ROBO2: variants seen among roughly 807,000 people sequenced by gnomAD.
The protein encoded by ROBO2 is roundabout homolog 2.
In ROBO2, 53 loss-of-function variants were observed where a neutral mutation model predicts 160.8. That is an observed-to-expected ratio of 0.33 (90% CI 0.26 to 0.41). The LOEUF (loss-of-function observed/expected upper bound fraction) is 0.41, where lower values mean the gene tolerates loss of function less well. ROBO2 is among the 10% of genes least tolerant of loss of function. ROBO2 has a pLI of 1.00. For synonymous variants in ROBO2, 664 were observed against 611.7 expected (o/e 1.09, Z -1.26); for missense variants, 1,577 against 1,722.4 (o/e 0.92, Z 1.49).
At chr3:77,432,681 C>T (rs1356959348) in intron 2 of ROBO2, among the ~76,000 whole-genome samples, 1 of 152,160 alleles carries the variant, frequency 6.6e-6, no homozygotes, top group Non-Finnish European at 1.5e-5. Flanking sequence ...TCCACAAACC[C>T]AACTTTTCAG....
At chr3:77,419,256 GAAT>G (rs1373821883) in intron 2 of ROBO2, among the ~76,000 whole-genome samples, 1 of 151,910 alleles carries the variant, frequency 6.6e-6, no homozygotes, top group Non-Finnish European at 1.5e-5. Context: ...CTATCTAATA[GAAT>G]AATAATAAAT....
At chr3:76,935,993 G>C (rs558340982) in intron 2 of ROBO2, among the ~76,000 whole-genome samples, 66 of 152,248 alleles carry the variant, frequency 4.3e-4, no homozygotes, top group African/African-American at 1.6e-3. Context: ...AACATAAGTG[G>C]CCAATTCTTT....
intron 24 of ROBO2, 25 bp downstream of exon 26, chr3:77,642,968 A>G (rs2095369924): frequency 2.2e-6 from 1 of 454,152 alleles, no homozygotes; most frequent in Non-Finnish European, 4.4e-6. Flanking sequence ...GTCCCAAGAA[A>G]GTGTGGACTG....
chr3:76,464,559 A>T (rs1317052048), intron 2 of ROBO2, among the ~76,000 whole-genome samples: 1 of 152,000 alleles, frequency 6.6e-6, no homozygotes, highest in African/African-American at 2.4e-5. Flanking sequence ...AGTAGGGCTC[A>T]ATGGTGTATT....
At chr3:77,548,926 G>A (rs887122718) in intron 7 of ROBO2, among the ~76,000 whole-genome samples, 9 of 151,764 alleles carry the variant, frequency 5.9e-5, no homozygotes, top group East Asian at 3.9e-4. Flanking sequence ...AAAATAAGTC[G>A]GTCTTACTAT....
In ROBO2 at chr3:77,343,410, T is replaced by C. The variant is rs557187213; in HGVS notation, c.389-134004T>C. On this transcript the variant is annotated intron_variant, in intron 2 of 25. Coordinates refer to ENST00000461745, the Ensembl canonical transcript of ROBO2. ...AAAATGCGTTTCAAATATTAAAAGATGTTCTATGTTCTGGCGCTAATCTCT... is the reference window on the plus strand; with the variant it reads ...AAAATGCGTTTCAAATATTAAAAGACGTTCTATGTTCTGGCGCTAATCTCT... Among the ~76,000 whole-genome samples, 86 of 152,276 alleles carry C rather than the reference T, an allele frequency of 5.6e-4. 1 individual carries two copies. In the South Asian group the frequency reaches 0.016, roughly 29 times the overall value.
intron 2 of ROBO2, among the ~76,000 whole-genome samples, chr3:77,333,809 T>C (rs902759883): frequency 1.3e-5 from 2 of 152,224 alleles, no homozygotes; most frequent in African/African-American, 4.8e-5. Context: ...TAGGTTGGGA[T>C]GGACACTTTT....
rs113623195 is a variant in ROBO2, at chr3:77,380,823, C to T, written c.389-96591C>T. On this transcript the variant is annotated intron_variant, in intron 2 of 25. Transcript: ENST00000461745. ...TCCTTTATTTCTCTCCGCTGATTAGCGCTGTCTCAAATGGCAAATGTTTTA... is the reference window on the plus strand; with the variant it reads ...TCCTTTATTTCTCTCCGCTGATTAGTGCTGTCTCAAATGGCAAATGTTTTA... Among the ~76,000 whole-genome samples, 29 of 152,004 alleles carry T rather than the reference C, an allele frequency of 1.9e-4. 1 individual carries two copies. The highest frequency in any genetic ancestry group is 5.5e-4 in the African/African-American group (23 of 41,464).
chr3:75,917,110 T>A (rs2106791430), intron 1 of ROBO2, among the ~76,000 whole-genome samples: 1 of 152,274 alleles, frequency 6.6e-6, no homozygotes, highest in Admixed American at 6.5e-5. Flanking sequence ...CATGGTAATT[T>A]GCTGCACCTA....
chr3:77,410,939 G>T (rs1356721683), intron 2 of ROBO2, among the ~76,000 whole-genome samples: 1 of 151,892 alleles, frequency 6.6e-6, no homozygotes, highest in Non-Finnish European at 1.5e-5. Flanking sequence ...GAGTAGCTGG[G>T]ACCATAGGTA....
intron 2 of ROBO2, among the ~76,000 whole-genome samples, chr3:77,467,338 T>G (rs1392520540): frequency 6.6e-6 from 1 of 152,092 alleles, no homozygotes; most frequent in Non-Finnish European, 1.5e-5. Flanking sequence ...AAGGGCTAAA[T>G]GAGGAAGGAA....
chr3:77,272,444 C>T (rs1008617528), intron 2 of ROBO2, among the ~76,000 whole-genome samples: 2 of 151,834 alleles, frequency 1.3e-5, no homozygotes, highest in African/African-American at 2.4e-5. Context: ...CCCTTTTAAC[C>T]AACCAGATTT....
At chr3:77,420,237 G>A (rs534166608) in intron 2 of ROBO2, among the ~76,000 whole-genome samples, 4 of 149,858 alleles carry the variant, frequency 2.7e-5, no homozygotes, top group Non-Finnish European at 5.9e-5. Flanking sequence ...AATATTTAAG[G>A]TAACTATTTT....
chr3:76,972,729 C>T (rs1477506208), intron 2 of ROBO2, among the ~76,000 whole-genome samples: 3 of 151,982 alleles, frequency 2.0e-5, no homozygotes, highest in African/African-American at 7.3e-5. Flanking sequence ...CCTATTGGTG[C>T]ACACCTGTAG....
intron 15 of ROBO2, 144 bp downstream of exon 16, chr3:77,577,758 T>C: frequency 2.0e-6 from 2 of 1,024,026 alleles, no homozygotes; most frequent in Non-Finnish European, 2.9e-6. Context: ...TGACAGAGAA[T>C]GAAACAAATG....
intron 2 of ROBO2, among the ~76,000 whole-genome samples, chr3:77,214,135 G>T (rs912364379): frequency 2.0e-5 from 3 of 152,202 alleles, no homozygotes; most frequent in East Asian, 1.9e-4. Flanking sequence ...GGATATCCTT[G>T]TTAACTTTCT....
At chr3:76,080,152 G>T (rs1169024211) in intron 2 of ROBO2, among the ~76,000 whole-genome samples, 1 of 152,200 alleles carries the variant, frequency 6.6e-6, no homozygotes, top group Non-Finnish European at 1.5e-5. Flanking sequence ...GTGAGGACCA[G>T]TAATTCTAAT....
chr3:76,394,277 T>G (rs1031695322), intron 2 of ROBO2, among the ~76,000 whole-genome samples: 1 of 152,188 alleles, frequency 6.6e-6, no homozygotes, highest in East Asian at 1.9e-4. Flanking sequence ...GTTGTTCCTT[T>G]CCATGTTTAG....
intron 2 of ROBO2, among the ~76,000 whole-genome samples, chr3:77,022,853 A>G (rs1265729438): frequency 6.6e-6 from 1 of 152,200 alleles, no homozygotes; most frequent in African/African-American, 2.4e-5. Flanking sequence ...CATTAAGAAT[A>G]TTCACGTTGT....
Sources: gnomAD v4.1 joint callset for allele counts (sites outside exome capture counted in the v4.1 genomes callset) on GRCh38, gnomAD v4.1.1 for gene constraint, MANE v1.5 for transcripts, NCBI Gene and HGNC (gene_info 2026-07-23, HGNC 2026-07-21) for gene names.